Variants in SEC31A observed in about 807,000 individuals in gnomAD.
SEC31A encodes protein transport protein Sec31A.
A neutral mutation model predicts 151.0 loss-of-function variants in SEC31A; 70 were observed. The observed-to-expected ratio is 0.46, with a 90% CI of 0.38 to 0.57. SEC31A has a LOEUF of 0.57. Among genes scored for constraint, SEC31A ranks in the 20% least tolerant of loss-of-function variants. The pLI, the probability that SEC31A is intolerant of heterozygous loss-of-function variation, is 0.00. For synonymous variants in SEC31A, 475 were observed against 505.9 expected (o/e 0.94, Z 0.82); for missense variants, 1,330 against 1,471.2 (o/e 0.90, Z 1.57).
chr4:82,862,618 A>T, intron 12 of SEC31A, 46 bp from the exon 13 acceptor site: 1 of 1,539,238 alleles, frequency 6.5e-7, no homozygotes, highest in East Asian at 2.2e-5. Flanking sequence ...ATTCTATTTC[A>T]GAGCATCCAG....
chr4:82,845,561 C>T (rs1444730469), intron 20 of SEC31A, among the ~76,000 whole-genome samples: 11 of 151,276 alleles, frequency 7.3e-5, no homozygotes, highest in Admixed American at 6.6e-4. Flanking sequence ...AATCAAAGCA[C>T]AAGAACAATG....
At position 82,871,346 on chromosome 4, in the gene SEC31A, T is replaced by G. The variant is rs974216526; in HGVS notation, c.782+598A>C. On this transcript the variant is annotated intron_variant, in intron 7 of 26. Coordinates refer to ENST00000395310, the MANE Select transcript of SEC31A (RefSeq NM_001077207.4). ...CACACACACACACACACAAGTAACG[T>G]AGGTACAGTAAAATGTTTTACCTAT... 4 of 1,517,076 alleles carry G rather than the reference T, an allele frequency of 2.6e-6. No individual in the cohort carries two copies. In the African/African-American group the frequency reaches 5.5e-5, roughly 21 times the overall value. The allele number at this position is 1,517,076 out of a possible 1,614,324, so 94.0% of individuals were successfully genotyped here. A position where few individuals can be genotyped will look rare whatever the true frequency, so the allele number is the denominator to read the frequency against.
chr4:82,845,713 A>T (rs12510471), intron 20 of SEC31A, among the ~76,000 whole-genome samples: 68,784 of 151,858 alleles, frequency 0.45, 18,165 homozygotes, highest in Admixed American at 0.6. Context: ...AGCTACTACT[A>T]ATCTACAAAC....
Position 82,870,377 on chromosome 4 carries a change from A to G in SEC31A, c.830T>C (p.Leu277Pro). 6.2e-7 allele frequency: 1 copy of G among 1,613,992 alleles called. No individual in the cohort carries two copies. ...AWSMADPELL[L>P]SCGKDAKILC... ...AATCTTAGCATCTTTTCCACAGCTCAGTAACAATTCAGGATCTGCCATGCT... is the reference window on the plus strand; with the variant it reads ...AATCTTAGCATCTTTTCCACAGCTCGGTAACAATTCAGGATCTGCCATGCT... Residue 277 changes from leucine to proline, a missense_variant, in exon 8 of 27, where the codon CTG becomes CCG. Physicochemically the swap from Leu to Pro is moderately conservative, Grantham distance 98 (BLOSUM62 -3). Coordinates refer to ENST00000395310, the MANE Select transcript of SEC31A (RefSeq NM_001077207.4).
intron 18 of SEC31A, 90 bp from the exon 19 acceptor site, chr4:82,851,694 A>C (rs1040161462): frequency 8.9e-7 from 1 of 1,123,346 alleles, no homozygotes; most frequent in East Asian, 2.5e-5. Flanking sequence ...AGATTTCTAA[A>C]ACCCACTAAA....
At chr4:82,897,749 A>G (rs979108761) in intron 3 of SEC31A, 9 of 152,188 alleles carry the variant, frequency 5.9e-5, no homozygotes, top group African/African-American at 1.9e-4. Flanking sequence ...AAAAAATAAA[A>G]TAAAATGAAA....
chr4:82,842,018 C>T, intron 22 of SEC31A, 122 bp downstream of exon 22: 2 of 789,474 alleles, frequency 2.5e-6, no homozygotes, highest in Non-Finnish European at 3.8e-6. Flanking sequence ...CAAACCCAAA[C>T]CTCAGTCAAC....
chr4:82,878,982 CAA>C lies in SEC31A; in HGVS notation c.204-56_204-55del, dbSNP rs1172734777. 33 of 1,384,368 alleles carry C rather than the reference CAA, an allele frequency of 2.4e-5. No homozygotes were observed. In the East Asian group the frequency reaches 7.5e-4, roughly 32 times the overall value. 85.8% of individuals were successfully genotyped at this position (1,384,368 alleles called of 1,614,324 possible). A position where few individuals can be genotyped will look rare whatever the true frequency, so the allele number is the denominator to read the frequency against. Reference sequence around the variant, plus strand: ...ATTCTTAAAGTCAAATAAATGTAGACAAAAAATTGAAATTATACACTTAATTT... The same window carrying C: ...ATTCTTAAAGTCAAATAAATGTAGACAAAATTGAAATTATACACTTAATTT... On this transcript the variant is annotated intron_variant, in intron 3 of 26. Transcript: ENST00000395310.
intron 16 of SEC31A, among the ~76,000 whole-genome samples, chr4:82,855,761 G>C (rs1375201002): frequency 1.3e-5 from 2 of 152,096 alleles, no homozygotes; most frequent in African/African-American, 4.8e-5. Flanking sequence ...AACACATGGA[G>C]GGGAACAACA....
intron 21 of SEC31A, among the ~76,000 whole-genome samples, chr4:82,843,139 T>C (rs961834825): frequency 3.3e-5 from 5 of 151,754 alleles, no homozygotes; most frequent in African/African-American, 9.7e-5. Context: ...GTTTTTTTTT[T>C]TTTTTCTTTG....
intron 13 of SEC31A, among the ~76,000 whole-genome samples, chr4:82,862,112 C>T (rs865785438): frequency 4.6e-5 from 7 of 151,298 alleles, no homozygotes; most frequent in African/African-American, 1.5e-4. Flanking sequence ...AGGGTTTCAC[C>T]ATGTTGGTCA....
chr4:82,830,554 CAA>C (rs1433071397), intron 22 of SEC31A, among the ~76,000 whole-genome samples: 1 of 152,182 alleles, frequency 6.6e-6, no homozygotes, highest in African/African-American at 2.4e-5. Context: ...TCAAAACAGT[CAA>C]GAGTTAACCA....
upstream of SEC31A, among the ~76,000 whole-genome samples, chr4:82,891,763 A>G (rs1039591277): frequency 6.6e-6 from 1 of 152,172 alleles, no homozygotes; most frequent in African/African-American, 2.4e-5. Context: ...ACTTGTTACT[A>G]TCCCATGGTA....
chr4:82,836,389 A>G (rs907610055), intron 22 of SEC31A, among the ~76,000 whole-genome samples: 19 of 149,684 alleles, frequency 1.3e-4, no homozygotes, highest in South Asian at 2.1e-4. Context: ...AAAAAAAAAA[A>G]AAAGAAAAAG....
At chr4:82,867,404 T>A in intron 8 of SEC31A, 88 bp from the exon 9 acceptor site, 1 of 1,099,248 alleles carries the variant, frequency 9.1e-7, no homozygotes, top group Non-Finnish European at 1.3e-6. Flanking sequence ...GGTCAACAAG[T>A]ATAGTTAAAT....
At chr4:82,871,316 A>G in intron 7 of SEC31A, 1 of 1,207,356 alleles carries the variant, frequency 8.3e-7, no homozygotes, top group Non-Finnish European at 1.1e-6. Context: ...ATGCATACAC[A>G]CACACACACA....
At chr4:82,831,792 G>T (rs191829077) in intron 22 of SEC31A, among the ~76,000 whole-genome samples, 18 of 152,244 alleles carry the variant, frequency 1.2e-4, no homozygotes, top group Non-Finnish European at 1.6e-4. Context: ...ACAGATTTAT[G>T]AGTGAACTCC....
At chr4:82,888,074 AAC>A (rs1219274618) in intron 1 of SEC31A, among the ~76,000 whole-genome samples, 4 of 121,558 alleles carry the variant, frequency 3.3e-5, no homozygotes, top group Admixed American at 7.7e-5. Flanking sequence ...AACAAACAAC[AAC>A]AAAAAAAACA....
intron 7 of SEC31A, chr4:82,871,551 A>G (rs1041606171): frequency 1.0e-5 from 7 of 687,148 alleles, no homozygotes; most frequent in Non-Finnish European, 2.5e-6. Context: ...AAAGGTGGGC[A>G]GATCACTTGA....
Sources: gnomAD v4.1 joint callset for allele counts (sites outside exome capture counted in the v4.1 genomes callset) on GRCh38, gnomAD v4.1.1 for gene constraint, MANE v1.5 for transcripts, NCBI Gene and HGNC (gene_info 2026-07-23, HGNC 2026-07-21) for gene names.